Variants in CSMD2 observed in about 807,000 individuals in gnomAD.
CSMD2 encodes CUB and sushi domain-containing protein 2.
A neutral mutation model predicts 398.5 loss-of-function variants in CSMD2; 130 were observed. The observed-to-expected ratio is 0.33, with a 90% CI of 0.28 to 0.38. The LOEUF is 0.38. Among genes scored for constraint, CSMD2 ranks in the 10% least tolerant of loss-of-function variants. CSMD2 has a pLI of 1.00. For missense variants in CSMD2, 3,829 were observed against 4,764.9 expected (o/e 0.80, Z 5.78); for synonymous variants, 1,828 against 1,908.5 (o/e 0.96, Z 1.10).
At chr1:33,795,548 C>A (rs1407576038) in intron 10 of CSMD2, among the ~76,000 whole-genome samples, 1 of 152,222 alleles carries the variant, frequency 6.6e-6, no homozygotes, top group Non-Finnish European at 1.5e-5. Context: ...CTATTCATGA[C>A]CCTGACTTAC....
At chr1:33,888,992 C>A (rs577719825) in intron 5 of CSMD2, among the ~76,000 whole-genome samples, 22 of 152,010 alleles carry the variant, frequency 1.4e-4, no homozygotes, top group Non-Finnish European at 2.4e-4. Flanking sequence ...GGACAGTCTC[C>A]ATCTCCTGAC....
At chr1:34,017,573 A>T (rs755219337) in intron 3 of CSMD2, among the ~76,000 whole-genome samples, 1 of 152,322 alleles carries the variant, frequency 6.6e-6, no homozygotes, top group East Asian at 1.9e-4. Flanking sequence ...CCTGAGCAAC[A>T]TAGCAAGATA....
intron 50 of CSMD2, among the ~76,000 whole-genome samples, chr1:33,572,229 G>A (rs1353628851): frequency 3.3e-5 from 5 of 152,170 alleles, no homozygotes; most frequent in Admixed American, 3.3e-4. Context: ...GGACATTCAT[G>A]CAAACTTTCT....
chr1:33,542,816 C>G lies in CSMD2; in HGVS notation c.9181G>C (p.Val3061Leu). Residue 3061 changes from valine (V) to leucine (L), a missense_variant, in exon 58 of 71, where the codon GTC becomes CTC. By Grantham distance (32) the Val-to-Leu change is conservative. Coordinates refer to ENST00000373381, the MANE Select transcript of CSMD2 (RefSeq NM_001281956.2). ...TAGTATCCTTCCCGGCACTCATAGA[C>G]GATAGAGCTGGAGAAAACCAGGCCA... ...SDGLVFSSSI[V>L]YECREGYYAT... 6.2e-7 allele frequency: 1 copy of G among 1,614,142 alleles called. No homozygotes were observed. Among genetic ancestry groups the G allele is most frequent in the Non-Finnish European group, 8.5e-7 (1 of 1,180,014 alleles).
chr1:33,736,482 GA>G (rs879408657), intron 15 of CSMD2, among the ~76,000 whole-genome samples: 2,746 of 138,460 alleles, frequency 0.02, 74 homozygotes, highest in African/African-American at 0.064. Context: ...CCGTCTCAAA[GA>G]AAAAAAAAAA....
intron 5 of CSMD2, chr1:33,862,766 G>A (rs1280673905): frequency 1.3e-5 from 2 of 152,198 alleles, no homozygotes; most frequent in African/African-American, 4.8e-5. Context: ...GGCTCACAGG[G>A]AGGAAGGGGA....
intron 33 of CSMD2, 125 bp from the exon 34 acceptor site, chr1:33,625,379 C>T (rs1642050685): frequency 5.5e-6 from 5 of 907,426 alleles, no homozygotes; most frequent in African/African-American, 1.7e-5. Context: ...GATGCTCTCC[C>T]GTAGGGAAGG....
chr1:33,921,589 C>T (rs1033499341), intron 4 of CSMD2, among the ~76,000 whole-genome samples: 9 of 152,090 alleles, frequency 5.9e-5, no homozygotes, highest in Non-Finnish European at 1.5e-5. Flanking sequence ...ACATTTAGCC[C>T]GAACCTTCAA....
intron 3 of CSMD2, among the ~76,000 whole-genome samples, chr1:33,948,401 A>T (rs1326792526): frequency 6.6e-6 from 1 of 152,188 alleles, no homozygotes; most frequent in Non-Finnish European, 1.5e-5. Context: ...CACACTCAAC[A>T]TGCACAAATC....
intron 37 of CSMD2, among the ~76,000 whole-genome samples, chr1:33,620,262 C>T (rs1280419344): frequency 6.6e-6 from 1 of 152,154 alleles, no homozygotes; most frequent in Non-Finnish European, 1.5e-5. Flanking sequence ...CTTTTCAGTA[C>T]CCTTCAAAAC....
intron 2 of CSMD2, among the ~76,000 whole-genome samples, chr1:34,055,431 C>T (rs932401340): frequency 4.6e-5 from 7 of 152,116 alleles, no homozygotes; most frequent in Non-Finnish European, 1.0e-4. Flanking sequence ...TGCCTCCCAC[C>T]GCAGATGCCA....
chr1:33,783,431 T>TTCTCTCTCTCTCTCTCTCTCTC (rs55769634), intron 12 of CSMD2, among the ~76,000 whole-genome samples: 35 of 135,242 alleles, frequency 2.6e-4, no homozygotes, highest in African/African-American at 9.0e-4. Flanking sequence ...CATTCTCTCA[T>TTCTCTCTCTCTCTCTCTCTCTC]TCTCTCTCTC....
rs575477137 is a variant in CSMD2 at position 34,090,096 on chromosome 1, T to G, written c.188-903A>C. ...GTTTTCTTGTTAATTTACTGCTCAGTGCCTCTGACTGCTCTTGCTCACCCT... is the reference window on the plus strand; with the variant it reads ...GTTTTCTTGTTAATTTACTGCTCAGGGCCTCTGACTGCTCTTGCTCACCCT... On this transcript the variant is annotated intron_variant, in intron 1 of 70. Transcript: ENST00000373381. Among the ~76,000 whole-genome samples, 28 of 152,338 alleles carry G rather than the reference T, an allele frequency of 1.8e-4. 1 individual carries two copies. The highest frequency in any genetic ancestry group is 6.3e-4 in the African/African-American group (26 of 41,588).
chr1:33,938,529 A>C (rs60990157), intron 3 of CSMD2, among the ~76,000 whole-genome samples: 4 of 120,150 alleles, frequency 3.3e-5, no homozygotes, highest in African/African-American at 6.6e-5. Flanking sequence ...CTATGATCCC[A>C]TGTTGCTGGT....
chr1:34,095,531 AAAG>A (rs1362415373), intron 1 of CSMD2, among the ~76,000 whole-genome samples: 1 of 152,028 alleles, frequency 6.6e-6, no homozygotes, highest in African/African-American at 2.4e-5. Context: ...ATAAAGAAAA[AAAG>A]AGAGAAGAGT....
chr1:33,643,333 C>G (rs1643219949), intron 29 of CSMD2, among the ~76,000 whole-genome samples: 1 of 152,196 alleles, frequency 6.6e-6, no homozygotes, highest in South Asian at 2.1e-4. Flanking sequence ...ATTACATGTG[C>G]AAAACATTAT....
chr1:33,766,714 A>G (rs567518464), intron 13 of CSMD2, among the ~76,000 whole-genome samples: 1 of 152,362 alleles, frequency 6.6e-6, no homozygotes, highest in Admixed American at 6.5e-5. Context: ...ATGGCCACAC[A>G]AATATTTGAA....
At chr1:34,043,863 T>A (rs1402995567) in intron 2 of CSMD2, among the ~76,000 whole-genome samples, 1 of 152,196 alleles carries the variant, frequency 6.6e-6, no homozygotes, top group African/African-American at 2.4e-5. Flanking sequence ...ATCATCTCTG[T>A]GGGAAAACCC....
At chr1:34,100,770 A>G (rs1343905100) in intron 1 of CSMD2, among the ~76,000 whole-genome samples, 1 of 152,214 alleles carries the variant, frequency 6.6e-6, no homozygotes. Context: ...CATTGTAAAT[A>G]AGACCTGGAC....
Sources: gnomAD v4.1 joint callset for allele counts (sites outside exome capture counted in the v4.1 genomes callset) on GRCh38, gnomAD v4.1.1 for gene constraint, MANE v1.5 for transcripts, NCBI Gene and HGNC (gene_info 2026-07-23, HGNC 2026-07-21) for gene names.